Variants in TDRD1 observed in about 807,000 individuals in gnomAD.
The protein encoded by TDRD1 is tudor domain containing 1.
Under a neutral mutation model 140.6 loss-of-function variants are expected in TDRD1, and 37 were observed. The ratio of observed to expected loss-of-function variants is 0.26; its 90% CI spans 0.20 to 0.35. The LOEUF is 0.35. Ranked by LOEUF, TDRD1 falls within the 10% of genes least tolerant of loss-of-function variation. TDRD1 has a pLI of 1.00. For missense variants in TDRD1, 1,243 were observed against 1,393.0 expected (o/e 0.89, Z 1.71); for synonymous variants, 506 against 475.7 (o/e 1.06, Z -0.83).
chr10:114,181,489 A>G (rs1322323304), intron 1 of TDRD1, among the ~76,000 whole-genome samples: 1 of 152,208 alleles, frequency 6.6e-6, no homozygotes, highest in African/African-American at 2.4e-5. Context: ...TGTGATTCAG[A>G]TATTCCCAGT....
chr10:114,226,329 G>A, intron 22 of TDRD1, 113 bp downstream of exon 22: 1 of 660,098 alleles, frequency 1.5e-6, no homozygotes, highest in Non-Finnish European at 2.5e-6. Context: ...CTGCCTTAAT[G>A]TTTTTAAATA....
At chr10:114,222,548 G>T in intron 20 of TDRD1, 39 bp from the exon 21 acceptor site, 1 of 1,334,734 alleles carries the variant, frequency 7.5e-7, no homozygotes, top group South Asian at 1.2e-5. Context: ...AGTAGCACTG[G>T]AAATTTTCTT....
exon 5 of TDRD1, chr10:114,201,502 C>A (rs1248818657): frequency 6.2e-7 from 1 of 1,613,064 alleles, no homozygotes; most frequent in South Asian, 1.1e-5. Context: ...CGTGTGCAGG[C>A]CTGTTCAGCC....
Position 114,220,893 on chromosome 10 carries a change from C to T in TDRD1, c.2770+50C>T, listed in dbSNP as rs112090850. 8.8e-4 allele frequency: 1,216 copies of T among 1,381,282 alleles called. 11 individuals are homozygous for T. The African/African-American group carries it at 0.016, about 18-fold the overall frequency. 85.6% of individuals were successfully genotyped at this position (1,381,282 alleles called of 1,614,324 possible). ...GTTTAAATTTGTTATTCTTTGCTCT[C>T]AGAGACTATGAAAAATTTTCCATCA... On this transcript the variant is annotated intron_variant, in intron 19 of 25. Transcript: ENST00000251864.
intron 11 of TDRD1, among the ~76,000 whole-genome samples, chr10:114,209,416 A>G (rs1437536668): frequency 6.6e-6 from 1 of 152,186 alleles, no homozygotes; most frequent in Admixed American, 6.5e-5. Flanking sequence ...TCTTTCCACC[A>G]TTATGCATCC....
chr10:114,197,341 A>G (rs1394178376), intron 3 of TDRD1, among the ~76,000 whole-genome samples: 2 of 152,020 alleles, frequency 1.3e-5, no homozygotes, highest in East Asian at 3.9e-4. Flanking sequence ...TTTTCCCTCC[A>G]TTATGCTAGT....
chr10:114,190,367 T>G (rs1342851477), intron 2 of TDRD1, among the ~76,000 whole-genome samples: 1 of 152,176 alleles, frequency 6.6e-6, no homozygotes, highest in Non-Finnish European at 1.5e-5. Flanking sequence ...GTCCTCAGCT[T>G]TTAAAAGTGC....
At chr10:114,226,080 G>A in exon 22 of TDRD1, 5 of 1,613,836 alleles carry the variant, frequency 3.1e-6, no homozygotes, top group Non-Finnish European at 4.2e-6. Context: ...CAGTTGTTCT[G>A]GGGACATCAG....
intron 16 of TDRD1, among the ~76,000 whole-genome samples, chr10:114,215,869 C>T (rs2035785557): frequency 6.6e-6 from 1 of 152,056 alleles, no homozygotes; most frequent in African/African-American, 2.4e-5. Flanking sequence ...TCTCAATTTT[C>T]CAAATATTTT....
intron 18 of TDRD1, among the ~76,000 whole-genome samples, chr10:114,218,958 A>G (rs1446681137): frequency 6.6e-6 from 1 of 152,228 alleles, no homozygotes; most frequent in Non-Finnish European, 1.5e-5. Context: ...AATAATGGCA[A>G]AATAACATAA....
chr10:114,232,177 C>T (rs1355773528), exon 26 of TDRD1: 1 of 152,078 alleles, frequency 6.6e-6, no homozygotes, highest in Non-Finnish European at 1.5e-5. Context: ...ACCACTCTAA[C>T]TGGAGAAGGA....
intron 4 of TDRD1, among the ~76,000 whole-genome samples, chr10:114,200,325 A>G (rs2034643864): frequency 6.6e-6 from 1 of 152,124 alleles, no homozygotes; most frequent in Non-Finnish European, 1.5e-5. Flanking sequence ...TTATTTTAGG[A>G]TGGAAGCATT....
exon 5 of TDRD1, chr10:114,201,437 A>G: frequency 6.2e-7 from 1 of 1,614,092 alleles, no homozygotes; most frequent in Non-Finnish European, 8.5e-7. Context: ...CAGTGCAAGC[A>G]GACCTACTAT....
chr10:114,176,222 A>G (rs1042963372), upstream of TDRD1, among the ~76,000 whole-genome samples: 2 of 152,070 alleles, frequency 1.3e-5, no homozygotes, highest in African/African-American at 2.4e-5. The surrounding 1 kb of genome is among the most constrained non-coding windows in gnomAD (Gnocchi z 4.2). Context: ...CTGAAATGCT[A>G]CAATAGAGAA....
At chr10:114,196,935 C>T (rs1050912389) in intron 3 of TDRD1, among the ~76,000 whole-genome samples, 2 of 144,156 alleles carry the variant, frequency 1.4e-5, no homozygotes, top group Non-Finnish European at 3.0e-5. Flanking sequence ...CAACCTCTGC[C>T]TCCTGGGTTT....
At chr10:114,232,531 C>CTTTTTTTTTTT (rs1470123257), downstream of TDRD1, among the ~76,000 whole-genome samples, 43 of 51,396 alleles carry the variant, frequency 8.4e-4, no homozygotes, top group African/African-American at 3.0e-3. Context: ...TTTTTTTTTG[C>CTTTTTTTTTTT]TTTTACTGGC....
intron 3 of TDRD1, among the ~76,000 whole-genome samples, chr10:114,196,833 CTTTTTTTTTTTTTTTTTTT>C (rs36124319): frequency 4.1e-5 from 2 of 48,326 alleles, no homozygotes; most frequent in Non-Finnish European, 7.1e-5. Flanking sequence ...TTCTAGCAGT[CTTTTTTTTTTTTTTTTTTT>C]TTTTTTTTTT....
exon 26 of TDRD1, chr10:114,232,168 C>G (rs1372456016): frequency 6.6e-6 from 1 of 152,098 alleles, no homozygotes; most frequent in African/African-American, 2.4e-5. Flanking sequence ...GACCTCTGGA[C>G]CACTCTAACT....
chr10:114,210,521 ATT>A, intron 11 of TDRD1, 58 bp from the exon 12 acceptor site: 5 of 1,372,448 alleles, frequency 3.6e-6, no homozygotes, highest in African/African-American at 1.5e-5. Context: ...AGCGTGCATA[ATT>A]TTTTTTTTAC....
Sources: allele counts gnomAD v4.1 joint callset (sites outside exome capture counted in the v4.1 genomes callset), GRCh38; gene constraint gnomAD v4.1.1; non-coding constraint Gnocchi (gnomAD v3.1); transcripts MANE v1.5; gene names NCBI Gene and HGNC (gene_info 2026-07-23, HGNC 2026-07-21).